Variants in CNTN5 observed in about 807,000 individuals in gnomAD.
The protein encoded by CNTN5 is contactin 5, also known as contactin-5.
Under a neutral mutation model 129.1 loss-of-function variants are expected in CNTN5, and 77 were observed. The observed-to-expected ratio is 0.60, with a 90% CI of 0.50 to 0.72. The LOEUF is 0.72. CNTN5 is among the 30% of genes least tolerant of loss of function. The pLI, the probability that CNTN5 is intolerant of heterozygous loss-of-function variation, is 0.00. For missense variants in CNTN5, 1,478 were observed against 1,328.8 expected (o/e 1.11, Z -1.75); for synonymous variants, 509 against 465.6 (o/e 1.09, Z -1.20).
intron 3 of CNTN5, among the ~76,000 whole-genome samples, chr11:99,686,446 T>C (rs571350110): frequency 6.6e-6 from 1 of 152,270 alleles, no homozygotes; most frequent in Non-Finnish European, 1.5e-5. Context: ...TTGATACAGT[T>C]CTTGAATTTG....
chr11:100,268,325 C>T (rs1273826583), intron 17 of CNTN5, among the ~76,000 whole-genome samples: 1 of 152,034 alleles, frequency 6.6e-6, no homozygotes, highest in Non-Finnish European at 1.5e-5. Context: ...TGTATGTCAA[C>T]TCCAAGAAAG....
intron 6 of CNTN5, among the ~76,000 whole-genome samples, chr11:99,898,520 A>T (rs898953730): frequency 6.6e-6 from 1 of 152,074 alleles, no homozygotes; most frequent in African/African-American, 2.4e-5. Flanking sequence ...TCATTCACTC[A>T]ATCACTGCTT....
At chr11:100,182,822 T>A (rs2138460024) in intron 13 of CNTN5, among the ~76,000 whole-genome samples, 1 of 152,178 alleles carries the variant, frequency 6.6e-6, no homozygotes, top group East Asian at 1.9e-4. Context: ...TTTCTGTTTT[T>A]GGAAAAACAT....
At chr11:100,223,178 G>A (rs1412878493) in intron 15 of CNTN5, among the ~76,000 whole-genome samples, 1 of 152,070 alleles carries the variant, frequency 6.6e-6, no homozygotes, top group Non-Finnish European at 1.5e-5. Context: ...GAATTCTTAT[G>A]ACATTTTAAT....
chr11:99,042,365 C>CTTTTT lies in CNTN5; in HGVS notation c.-210+21118_-210+21122dup, dbSNP rs1210153589. On this transcript the variant is annotated intron_variant, in intron 1 of 24. Transcript: ENST00000524871. ...CACATGTACCTCCCTTCTTCTTCTTCTTTTTTTTTTTTTTTTTTTTTTTTT... is the reference window on the plus strand; with the variant it reads ...CACATGTACCTCCCTTCTTCTTCTTCTTTTTTTTTTTTTTTTTTTTTTTTTTTTTT... Among the ~76,000 whole-genome samples, 208 of 83,790 alleles carry CTTTTT rather than the reference C, an allele frequency of 2.5e-3. 22 individuals are homozygous for CTTTTT. The highest frequency in any genetic ancestry group is 0.015 in the Admixed American group (97 of 6,570). 55.0% of individuals were successfully genotyped at this position (83,790 alleles called of 152,430 possible).
chr11:99,144,422 A>T (rs1424437322), intron 1 of CNTN5, among the ~76,000 whole-genome samples: 1 of 152,204 alleles, frequency 6.6e-6, no homozygotes, highest in Non-Finnish European at 1.5e-5. Context: ...ATATTTCAAG[A>T]ATGCAGCATC....
chr11:100,301,732 C>T (rs1226211606), intron 20 of CNTN5, among the ~76,000 whole-genome samples: 1 of 151,590 alleles, frequency 6.6e-6, no homozygotes, highest in Non-Finnish European at 1.5e-5. Context: ...CAAATCTGAT[C>T]ACACTAACTA....
Position 99,359,920 on chromosome 11 carries a change from A to T in CNTN5, c.-71+34436A>T, listed in dbSNP as rs531090112. ...CTTAAAGGCAGAATGAACAACTTGG[A>T]TTAAAAATCAAAGTACATGAGGGGA... On this transcript the variant is annotated intron_variant, in intron 2 of 24. Transcript: ENST00000524871. 2.0e-5 allele frequency among the ~76,000 whole-genome samples: 3 copies of T among 152,334 alleles called. No individual in the cohort carries two copies. The East Asian group carries it at 5.8e-4, about 29-fold the overall frequency.
At chr11:99,435,299 T>TA (rs1245319786) in intron 2 of CNTN5, among the ~76,000 whole-genome samples, 1 of 152,188 alleles carries the variant, frequency 6.6e-6, no homozygotes, top group Non-Finnish European at 1.5e-5. Context: ...TCTTAGTCAA[T>TA]ACTTTTTAAA....
intron 21 of CNTN5, among the ~76,000 whole-genome samples, chr11:100,333,989 T>A (rs1039774948): frequency 2.0e-5 from 3 of 152,102 alleles, no homozygotes; most frequent in African/African-American, 7.2e-5. Flanking sequence ...TCAGCAGAGT[T>A]AACAGACAAC....
intron 6 of CNTN5, among the ~76,000 whole-genome samples, chr11:99,888,235 A>G (rs1487991043): frequency 6.6e-6 from 1 of 152,152 alleles, no homozygotes; most frequent in Non-Finnish European, 1.5e-5. Flanking sequence ...ATTTTCCTGA[A>G]TTGCTAAGGA....
At chr11:99,170,114 T>C (rs1257382764) in intron 1 of CNTN5, among the ~76,000 whole-genome samples, 2 of 152,178 alleles carry the variant, frequency 1.3e-5, no homozygotes, top group African/African-American at 4.8e-5. Context: ...TGTTATTTAA[T>C]TTATCAATAT....
At chr11:99,386,631 A>G (rs940205569) in intron 2 of CNTN5, among the ~76,000 whole-genome samples, 2 of 151,954 alleles carry the variant, frequency 1.3e-5, no homozygotes, top group African/African-American at 4.8e-5. Flanking sequence ...CTGACCTCCT[A>G]TCTCATCCTG....
chr11:99,460,660 A>G (rs1373677384), intron 2 of CNTN5, among the ~76,000 whole-genome samples: 2 of 151,974 alleles, frequency 1.3e-5, no homozygotes, highest in Admixed American at 1.3e-4. Context: ...CCTCCTGCCT[A>G]AAGCGATTTT....
intron 1 of CNTN5, among the ~76,000 whole-genome samples, chr11:99,301,217 C>A (rs982994500): frequency 1.1e-4 from 17 of 150,616 alleles, no homozygotes; most frequent in African/African-American, 3.9e-4. Context: ...AAACAAGTAG[C>A]AAAATGGCAG....
intron 18 of CNTN5, among the ~76,000 whole-genome samples, chr11:100,294,770 C>T (rs190265631): frequency 1.3e-5 from 2 of 151,484 alleles, no homozygotes; most frequent in Non-Finnish European, 3.0e-5. Flanking sequence ...ACACCATAAG[C>T]GCTCCGAAAG....
intron 1 of CNTN5, among the ~76,000 whole-genome samples, chr11:99,032,775 G>T (rs1434873981): frequency 6.7e-6 from 1 of 149,036 alleles, no homozygotes; most frequent in Admixed American, 6.7e-5. Flanking sequence ...AGTTTAATTA[G>T]ATCCCATATG....
chr11:99,806,531 G>A lies in CNTN5; in HGVS notation c.56-13013G>A, dbSNP rs544395340. Among the ~76,000 whole-genome samples, 29 of 152,076 alleles carry A rather than the reference G, an allele frequency of 1.9e-4. No homozygotes were observed. In the South Asian group the frequency reaches 2.1e-3, roughly 11 times the overall value. ...GAAAATTCAAAAGACAAAATAGGTC[G>A]TGTGCAGTGGCTCATGGCTGTAATC... On this transcript the variant is annotated intron_variant, in intron 3 of 24. Transcript: ENST00000524871.
intron 18 of CNTN5, among the ~76,000 whole-genome samples, chr11:100,294,900 A>C (rs1023165778): frequency 2.0e-5 from 3 of 151,620 alleles, no homozygotes; most frequent in Non-Finnish European, 3.0e-5. Context: ...AAAGAAAATG[A>C]ATGTACATGG....
Sources: allele counts gnomAD v4.1 joint callset (sites outside exome capture counted in the v4.1 genomes callset), GRCh38; gene constraint gnomAD v4.1.1; transcripts MANE v1.5; gene names NCBI Gene and HGNC (gene_info 2026-07-23, HGNC 2026-07-21).